The following TRIM28 variants were observed in gnomAD, a reference collection of about 807,000 sequenced individuals.
TRIM28 encodes tripartite motif containing 28, also known as transcription intermediary factor 1-beta.
Under a neutral mutation model 87.4 loss-of-function variants are expected in TRIM28, and 8 were observed. The ratio of observed to expected loss-of-function variants is 0.09; its 90% CI spans 0.05 to 0.17. The LOEUF (loss-of-function observed/expected upper bound fraction) is 0.17. TRIM28 is among the 10% of genes least tolerant of loss of function. TRIM28 has a pLI of 1.00. For synonymous variants in TRIM28, 601 were observed against 454.3 expected (o/e 1.32, Z -4.11); for missense variants, 968 against 1,131.8 (o/e 0.86, Z 2.08).
rs2053809874 is a variant in TRIM28 at position 58,550,655 on chromosome 19, T to A, written c.*102T>A. 2 of 1,155,838 alleles carry A rather than the reference T, an allele frequency of 1.7e-6. No homozygotes were observed. Among genetic ancestry groups the A allele is most frequent in the African/African-American group, 3.1e-5 (2 of 64,378 alleles). The allele number at this position is 1,155,838 out of a possible 1,614,324, so 71.6% of individuals were successfully genotyped here. On this transcript the variant is annotated 3_prime_UTR_variant, in exon 17 of 17. Coordinates refer to ENST00000253024, the MANE Select transcript of TRIM28 (RefSeq NM_005762.3). Reference sequence around the variant, plus strand: ...TGACTCCCACTCCCTGGTGGCCCCATCCCCCAGTTCCTCACGATATGGTTT... The same window carrying A: ...TGACTCCCACTCCCTGGTGGCCCCAACCCCCAGTTCCTCACGATATGGTTT...
At chr19:58,548,653 G>A in intron 9 of TRIM28, 61 bp downstream of exon 9, 1 of 1,547,182 alleles carries the variant, frequency 6.5e-7, no homozygotes, top group African/African-American at 1.4e-5. Flanking sequence ...TAGCAGGAGA[G>A]AGGACCCAGG....
chr19:58,548,901 G>A lies in TRIM28; in HGVS notation c.1400G>A (p.Gly467Asp). The A allele has an allele frequency of 6.2e-7, 1 of 1,614,114 alleles. No homozygotes were observed. The highest frequency in any genetic ancestry group is 1.3e-5 in the African/African-American group (1 of 75,040). ...TCAAGTGCAGAGCCCCATGTGTCAG[G>A]TGTGAAACGGTAAGTATGGCACCTC... Reference protein sequence around the residue: ...PYSSAEPHVSGVKRSRSGEGE... With the variant: ...PYSSAEPHVSDVKRSRSGEGE... Residue 467 changes from glycine to aspartate, a missense_variant, in exon 11 of 17, where the codon GGT becomes GAT. Physicochemically the swap from Gly to Asp is moderately conservative, Grantham distance 94. Around this residue, in one of 11 missense-constraint regions of TRIM28, gnomAD observed 119 missense variants for 93.6 expected, o/e 1.27. Transcript: ENST00000253024.
chr19:58,547,242 C>G, intron 3 of TRIM28, 134 bp from the exon 4 acceptor site: 1 of 1,189,584 alleles, frequency 8.4e-7, no homozygotes, highest in African/African-American at 1.5e-5. Flanking sequence ...TCTTCCCTGG[C>G]CACACCCTCT....
intron 16 of TRIM28, 37 bp from the exon 17 acceptor site, chr19:58,550,340 A>G: frequency 1.2e-6 from 2 of 1,613,180 alleles, no homozygotes; most frequent in Non-Finnish European, 1.7e-6. Context: ...GGAAAGAACT[A>G]GGACCCATTC....
chr19:58,549,768 C>G lies in TRIM28; in HGVS notation c.2014C>G (p.Leu672Val). The change falls in exon 14 of 17, where the codon CTC becomes GTC. Residue 672 changes from leucine (L) to valine (V), a missense_variant. Coordinates refer to ENST00000253024, the MANE Select transcript of TRIM28 (RefSeq NM_005762.3). This position sits in a 1 kb window ranked among gnomAD's most constrained non-coding sequence, Gnocchi z 4.4. ...GTGGAGCTGCTCACTCTGCCATGTG[C>G]TCCCTGACCTGAAGGAGGAGGATGG... ...EEWSCSLCHV[L>V]PDLKEEDGSL... 1 of 1,611,760 alleles carries G rather than the reference C, an allele frequency of 6.2e-7. No individual in the cohort carries two copies. Among genetic ancestry groups the G allele is most frequent in the Non-Finnish European group, 8.5e-7 (1 of 1,178,282 alleles).
intron 3 of TRIM28, among the ~76,000 whole-genome samples, chr19:58,546,825 G>T (rs956040119): frequency 6.6e-6 from 1 of 152,080 alleles, no homozygotes; most frequent in African/African-American, 2.4e-5. Flanking sequence ...TGCTCTAGAG[G>T]GGGTGTGACC....
At chr19:58,546,006 T>G in intron 3 of TRIM28, 110 bp downstream of exon 3, 3 of 1,360,586 alleles carry the variant, frequency 2.2e-6, no homozygotes, top group Non-Finnish European at 1.9e-6. Context: ...CTCTAGGGGG[T>G]GCCGCCCGAA....
intron 3 of TRIM28, 118 bp downstream of exon 3, chr19:58,546,014 G>A (rs150099235): frequency 1.7e-5 from 23 of 1,314,516 alleles, no homozygotes; most frequent in Admixed American, 1.6e-4. Flanking sequence ...GGTGCCGCCC[G>A]AAGGGCCCGA....
Position 58,545,034 on chromosome 19 carries a change from G to A in TRIM28, c.277G>A (p.Gly93Arg). ...GCACTCGGCCTGTAGTGCCTGCTTA[G>A]GGCCCGCGGCCCCCGCCGCCGCCAA... The part of the protein sequence containing the change: ...CLHSACSACL[G>R]PAAPAAANSS... The change falls in exon 1 of 17, where the codon GGG becomes AGG. Residue 93 changes from glycine (G) to arginine (R), a missense_variant. By Grantham distance (125) the Gly-to-Arg change is moderately radical. This residue lies in a region of TRIM28 where 208 missense variants were observed against 170.9 expected (regional missense o/e 1.22). Coordinates refer to ENST00000253024, the MANE Select transcript of TRIM28 (RefSeq NM_005762.3). The A allele has an allele frequency of 6.8e-7, 1 of 1,473,416 alleles. No individual in the cohort carries two copies. The highest frequency in any genetic ancestry group is 8.9e-7 in the Non-Finnish European group (1 of 1,126,476). 91.3% of individuals were successfully genotyped at this position (1,473,416 alleles called of 1,614,324 possible). A position where few individuals can be genotyped will look rare whatever the true frequency, so the allele number is the denominator to read the frequency against.
At position 58,544,648 on chromosome 19, in the gene TRIM28, C is replaced by G. The variant is rs544005436; in HGVS notation, c.-110C>G. On this transcript the variant is annotated 5_prime_UTR_variant, in exon 1 of 17. Coordinates refer to ENST00000253024, the MANE Select transcript of TRIM28 (RefSeq NM_005762.3). ...GGAGGCGCGTGGCGGCGCTCGGCCT[C>G]GCGGCGGCGGCGGCGGCAGCGGCCC... The G allele has an allele frequency of 1.4e-5, 5 of 368,224 alleles. No individual in the cohort carries two copies. The highest frequency in any genetic ancestry group is 2.2e-5 in the African/African-American group (1 of 44,944). 22.8% of individuals were successfully genotyped at this position (368,224 alleles called of 1,614,324 possible).
intron 1 of TRIM28, 108 bp from the exon 2 acceptor site, chr19:58,545,317 C>CT: frequency 1.0e-6 from 1 of 990,998 alleles, no homozygotes; most frequent in South Asian, 1.5e-5. Flanking sequence ...AGGGGAGGGG[C>CT]TGGTTCGCTG....
rs1482031462 is a variant in TRIM28, at chr19:58,550,457, G to T, written c.2412G>T (p.Lys804Asn). 1.2e-6 allele frequency: 2 copies of T among 1,612,086 alleles called. No individual in the cohort carries two copies. ...TGAACGAGGCCTTCGGTGACACCAA[G>T]TTCTCTGCTGTGCTGGTGGAGCCCC... ...TRMNEAFGDTKFSAVLVEPPP... is the reference protein window; with the variant it reads ...TRMNEAFGDTNFSAVLVEPPP... The change falls in exon 17 of 17, where the codon AAG (lysine) becomes AAT (asparagine). Residue 804 changes from lysine to asparagine, a missense_variant. Lys to Asn is a moderately conservative substitution (Grantham distance 94, BLOSUM62 0). Coordinates refer to ENST00000253024, the MANE Select transcript of TRIM28 (RefSeq NM_005762.3).
Position 58,545,006 on chromosome 19 carries a change from T to C in TRIM28, c.249T>C (p.Cys83=). Residue 83 remains cysteine (C), a synonymous_variant, in exon 1 of 17, where the codon TGT becomes TGC. Coordinates refer to ENST00000253024, the MANE Select transcript of TRIM28 (RefSeq NM_005762.3). ...RPEREPRLLP[C]LHSACSACLG... ...AGAGGGAGCCCCGCCTGCTGCCCTG[T>C]TTGCACTCGGCCTGTAGTGCCTGCT... The C allele has an allele frequency of 4.6e-6, 7 of 1,511,566 alleles. No individual in the cohort carries two copies. The Admixed American group carries it at 6.6e-5, about 14-fold the overall frequency. The allele number at this position is 1,511,566 out of a possible 1,614,324, so 93.6% of individuals were successfully genotyped here.
rs909383888 is a variant in TRIM28 at position 58,545,594 on chromosome 19, G to T, written c.453+57G>T. The T allele has an allele frequency of 6.6e-6, 10 of 1,509,290 alleles. No individual in the cohort carries two copies. In the African/African-American group the frequency reaches 1.4e-4, roughly 21 times the overall value. The allele number at this position is 1,509,290 out of a possible 1,614,324, so 93.5% of individuals were successfully genotyped here. ...TTCTGGGGAGGGGGCATCTGCGCAG[G>T]AGGAGCTTGGCACCAGCTCCAGGCT... On this transcript the variant is annotated intron_variant, in intron 2 of 16. Coordinates refer to ENST00000253024, the MANE Select transcript of TRIM28 (RefSeq NM_005762.3).
chr19:58,549,116 C>G lies in TRIM28; in HGVS notation c.1538C>G (p.Thr513Ser). 1.2e-6 allele frequency: 2 copies of G among 1,614,164 alleles called. No homozygotes were observed. Among genetic ancestry groups the G allele is most frequent in the Non-Finnish European group, 1.7e-6 (2 of 1,180,020 alleles). Residue 513 changes from threonine to serine, a missense_variant, in exon 12 of 17, where the codon ACC becomes AGC. This residue lies in a region of TRIM28 where 23 missense variants were observed against 56.7 expected (regional missense o/e 0.41). Transcript: ENST00000253024. The surrounding 1 kb of genome is among the most constrained non-coding windows in gnomAD (Gnocchi z 4.4). ...GTCTTCAAGGTCTTCCCAGGCAGTA[C>G]CACTGAGGACTACAACCTTATTGTT... Reference protein sequence around the residue: ...PPVFKVFPGSTTEDYNLIVIE... With the variant: ...PPVFKVFPGSSTEDYNLIVIE...
At position 58,544,654 on chromosome 19, in the gene TRIM28, G is replaced by GGCGGCGGCGGCA. The variant is rs1315272274; in HGVS notation, c.-98_-87dup. ...GCGTGGCGGCGCTCGGCCTCGCGGCGGCGGCGGCGGCAGCGGCCCAGCAGT... is the reference window on the plus strand; with the variant it reads ...GCGTGGCGGCGCTCGGCCTCGCGGCGGCGGCGGCGGCAGCGGCGGCGGCAGCGGCCCAGCAGT... On this transcript the variant is annotated 5_prime_UTR_variant, in exon 1 of 17. Coordinates refer to ENST00000253024, the MANE Select transcript of TRIM28 (RefSeq NM_005762.3). 5.0e-6 allele frequency: 2 copies of GGCGGCGGCGGCA among 401,106 alleles called. No homozygotes were observed. The highest frequency in any genetic ancestry group is 3.2e-4 in the East Asian group (2 of 6,212). The allele number at this position is 401,106 out of a possible 1,614,324, so 24.8% of individuals were successfully genotyped here.
At position 58,549,328 on chromosome 19, in the gene TRIM28, C is replaced by A; in HGVS notation, c.1663-3C>A. The A allele has an allele frequency of 6.4e-7, 1 of 1,566,750 alleles. No individual in the cohort carries two copies. On this transcript the variant is annotated splice_polypyrimidine_tract_variant and splice_region_variant and intron_variant, in intron 12 of 16. Coordinates refer to ENST00000253024, the MANE Select transcript of TRIM28 (RefSeq NM_005762.3). The surrounding 1 kb of genome is among the most constrained non-coding windows in gnomAD (Gnocchi z 4.4). The stretch of plus-strand genomic sequence containing the variant: ...TTGAACACCCCTCATCACCACCTTG[C>A]AGGAGGAGGAGACGGAGGCTGCCAT...
chr19:58,550,662 G>T lies in TRIM28; in HGVS notation c.*109G>T. 2.1e-5 allele frequency: 23 copies of T among 1,102,054 alleles called. No individual in the cohort carries two copies. In the South Asian group the frequency reaches 2.9e-4, roughly 14 times the overall value. The allele number at this position is 1,102,054 out of a possible 1,614,324, so 68.3% of individuals were successfully genotyped here. A position where few individuals can be genotyped will look rare whatever the true frequency, so the allele number is the denominator to read the frequency against. On this transcript the variant is annotated 3_prime_UTR_variant, in exon 17 of 17. Coordinates refer to ENST00000253024, the MANE Select transcript of TRIM28 (RefSeq NM_005762.3). ...CACTCCCTGGTGGCCCCATCCCCCAGTTCCTCACGATATGGTTTTTACTTC... is the reference window on the plus strand; with the variant it reads ...CACTCCCTGGTGGCCCCATCCCCCATTTCCTCACGATATGGTTTTTACTTC...
intron 1 of TRIM28, 127 bp downstream of exon 1, chr19:58,545,224 C>T (rs1224763705): frequency 3.0e-6 from 3 of 984,376 alleles, no homozygotes; most frequent in Non-Finnish European, 4.4e-6. Flanking sequence ...GAAATACTTT[C>T]TGGGTCCTGC....
Sources: allele counts gnomAD v4.1 joint callset (sites outside exome capture counted in the v4.1 genomes callset), GRCh38; gene constraint gnomAD v4.1.1; regional missense constraint gnomAD v4.1.1; non-coding constraint Gnocchi (gnomAD v3.1); transcripts MANE v1.5; gene names NCBI Gene and HGNC (gene_info 2026-07-23, HGNC 2026-07-21).